Variants in EPHA5 observed in about 807,000 individuals in gnomAD.
The protein encoded by EPHA5 is EPH receptor A5, also known as ephrin type-A receptor 5.
In EPHA5, 60 loss-of-function variants were observed where a neutral mutation model predicts 105.0. The ratio of observed to expected loss-of-function variants is 0.57; its 90% CI spans 0.46 to 0.71. The LOEUF is 0.71. Among genes scored for constraint, EPHA5 ranks in the 30% least tolerant of loss-of-function variants. EPHA5 has a pLI of 0.00. For missense variants in EPHA5, 1,218 were observed against 1,274.7 expected (o/e 0.96, Z 0.68); for synonymous variants, 513 against 449.1 (o/e 1.14, Z -1.80).
chr4:65,393,374 C>T (rs1181731982), intron 8 of EPHA5, among the ~76,000 whole-genome samples: 1 of 152,128 alleles, frequency 6.6e-6, no homozygotes, highest in Admixed American at 6.6e-5. Flanking sequence ...CTGTAACAGC[C>T]TGTGCCATTT....
intron 5 of EPHA5, 31 bp downstream of exon 5, chr4:65,490,346 C>T (rs2149211697): frequency 6.3e-7 from 1 of 1,588,358 alleles, no homozygotes; most frequent in South Asian, 1.1e-5. Context: ...CTAGGCCTCA[C>T]ATACACAATT....
chr4:65,515,398 A>C (rs1210905434), intron 3 of EPHA5, among the ~76,000 whole-genome samples: 3 of 152,156 alleles, frequency 2.0e-5, no homozygotes, highest in African/African-American at 7.2e-5. Flanking sequence ...TTAAAATTTT[A>C]ACTCTGGTTG....
chr4:65,665,240 A>G (rs1435292414), intron 1 of EPHA5, among the ~76,000 whole-genome samples: 2 of 152,112 alleles, frequency 1.3e-5, no homozygotes, highest in African/African-American at 4.8e-5. Context: ...CCAAATGAAA[A>G]AGAAACTAAT....
At chr4:65,560,209 C>A (rs1324754541) in intron 3 of EPHA5, among the ~76,000 whole-genome samples, 1 of 152,078 alleles carries the variant, frequency 6.6e-6, no homozygotes, top group Non-Finnish European at 1.5e-5. Flanking sequence ...GATAATTTGA[C>A]AATAGATATA....
At chr4:65,394,293 G>A (rs188941313) in intron 8 of EPHA5, among the ~76,000 whole-genome samples, 11 of 152,212 alleles carry the variant, frequency 7.2e-5, no homozygotes, top group Admixed American at 5.9e-4. Flanking sequence ...GAAAATCAGA[G>A]GCTTCCCACA....
At chr4:65,512,991 A>C (rs899624950) in intron 3 of EPHA5, among the ~76,000 whole-genome samples, 2 of 152,126 alleles carry the variant, frequency 1.3e-5, no homozygotes, top group South Asian at 4.1e-4. Flanking sequence ...CTGTTGTCCT[A>C]TGATTAAGCA....
In EPHA5 at chr4:65,669,650, G is replaced by C. The variant is rs1750285901; in HGVS notation, c.93C>G (p.Cys31Trp). 1 of 1,391,354 alleles carries C rather than the reference G, an allele frequency of 7.2e-7. No individual in the cohort carries two copies. Among genetic ancestry groups the C allele is most frequent in the East Asian group, 2.8e-5 (1 of 36,140 alleles). 86.2% of individuals were successfully genotyped at this position (1,391,354 alleles called of 1,614,324 possible). Residue 31 changes from cysteine (C) to tryptophan (W), a missense_variant, in exon 1 of 17, where the codon TGC becomes TGG. Cys to Trp is a radical substitution (Grantham distance 215). This residue lies in a region of EPHA5 where 233 missense variants were observed against 227.5 expected (regional missense o/e 1.02). Transcript: ENST00000613740. ...GGGGAGCCCGTCGAGGTGCAGAGTA[G>C]CAGCCGGCCAGGGACGCTGGGGTGA... ...TPITPASLAG[C>W]YSAPRRAPLW... is the part of the protein sequence containing the mutation.
intron 2 of EPHA5, among the ~76,000 whole-genome samples, chr4:65,613,769 G>A (rs1744983676): frequency 6.6e-6 from 1 of 151,956 alleles, no homozygotes; most frequent in African/African-American, 2.4e-5. Context: ...ACTTATGGAA[G>A]TTTAAAATGT....
chr4:65,569,613 T>G (rs1739911834), intron 3 of EPHA5, among the ~76,000 whole-genome samples: 1 of 151,748 alleles, frequency 6.6e-6, no homozygotes, highest in Non-Finnish European at 1.5e-5. Context: ...CATTATGCTC[T>G]TTTACTTGAA....
chr4:65,433,706 A>C (rs1725209480), intron 5 of EPHA5, among the ~76,000 whole-genome samples: 1 of 152,142 alleles, frequency 6.6e-6, no homozygotes. Context: ...ATCCATTTCT[A>C]TGTCTTTTCT....
intron 16 of EPHA5, among the ~76,000 whole-genome samples, chr4:65,326,781 A>T (rs1470997566): frequency 6.6e-6 from 1 of 151,354 alleles, no homozygotes; most frequent in Non-Finnish European, 1.5e-5. Context: ...TATGGTTGTA[A>T]TAATATATAT....
chr4:65,446,930 T>C (rs1194131395), intron 5 of EPHA5, among the ~76,000 whole-genome samples: 2 of 151,798 alleles, frequency 1.3e-5, no homozygotes, highest in Non-Finnish European at 2.9e-5. Context: ...ATTCAATAGT[T>C]AGAATTAAAG....
chr4:65,579,493 A>G (rs933871524), intron 3 of EPHA5, among the ~76,000 whole-genome samples: 1 of 151,194 alleles, frequency 6.6e-6, no homozygotes, highest in Non-Finnish European at 1.5e-5. Context: ...ATGTGAGCCT[A>G]ATTGCATTTG....
At chr4:65,570,178 G>A (rs1739976108) in intron 3 of EPHA5, among the ~76,000 whole-genome samples, 1 of 151,734 alleles carries the variant, frequency 6.6e-6, no homozygotes, top group African/African-American at 2.4e-5. Flanking sequence ...GAAGATGATA[G>A]AACTATACTC....
At chr4:65,496,485 T>C (rs1452045918) in intron 3 of EPHA5, among the ~76,000 whole-genome samples, 1 of 150,446 alleles carries the variant, frequency 6.6e-6, no homozygotes, top group Non-Finnish European at 1.5e-5. Context: ...TGGTGTTTGG[T>C]TTTTTGTTCT....
chr4:65,382,598 G>C (rs1719667687), intron 8 of EPHA5, among the ~76,000 whole-genome samples: 1 of 151,710 alleles, frequency 6.6e-6, no homozygotes, highest in Non-Finnish European at 1.5e-5. Context: ...TTCTTTAATA[G>C]TGAAGAAATT....
At chr4:65,407,763 T>C (rs543948609) in intron 7 of EPHA5, among the ~76,000 whole-genome samples, 16 of 143,602 alleles carry the variant, frequency 1.1e-4, no homozygotes, top group African/African-American at 4.2e-4. Flanking sequence ...TTACATTTTC[T>C]TTTTTTTGTG....
chr4:65,632,692 T>C (rs1382328433), intron 2 of EPHA5, among the ~76,000 whole-genome samples: 1 of 152,026 alleles, frequency 6.6e-6, no homozygotes, highest in Non-Finnish European at 1.5e-5. Context: ...CAAAAAGGTC[T>C]TTACAGTAGA....
intron 16 of EPHA5, among the ~76,000 whole-genome samples, chr4:65,329,616 C>A (rs2148791809): frequency 6.6e-6 from 1 of 151,374 alleles, no homozygotes; most frequent in Non-Finnish European, 1.5e-5. Context: ...CCATTCTCAG[C>A]TTCTACTATC....
Sources: gnomAD v4.1 joint callset for allele counts (sites outside exome capture counted in the v4.1 genomes callset) on GRCh38, gnomAD v4.1.1 for gene constraint, gnomAD v4.1.1 regional missense constraint, MANE v1.5 for transcripts, NCBI Gene and HGNC (gene_info 2026-07-23, HGNC 2026-07-21) for gene names.